Variants in TTC24 observed in about 807,000 individuals in gnomAD.
TTC24 encodes tetratricopeptide repeat domain 24.
TTC24 carries 54 observed loss-of-function variants against 63.3 expected under a neutral mutation model. That is an observed-to-expected ratio of 0.85 (90% CI 0.69 to 1.07). The LOEUF (loss-of-function observed/expected upper bound fraction) is 1.07. Ranked by LOEUF, TTC24 falls within the 50% of genes least tolerant of loss-of-function variation. TTC24 has a pLI of 0.00. For missense variants in TTC24, 680 were observed against 730.5 expected (o/e 0.93, Z 0.80); for synonymous variants, 276 against 304.3 (o/e 0.91, Z 0.97).
intron 8 of TTC24, 128 bp from the exon 9 acceptor site, chr1:156,585,583 AGC>A: frequency 1.4e-6 from 1 of 704,542 alleles, no homozygotes; most frequent in South Asian, 1.7e-5. Flanking sequence ...TGCCCAACAC[AGC>A]GCTGGGTGCT....
In TTC24 at chr1:156,586,463, T is replaced by C; in HGVS notation, c.1668-6T>C. On this transcript the variant is annotated splice_region_variant and splice_polypyrimidine_tract_variant and intron_variant, in intron 10 of 10. Transcript: ENST00000368236. Reference sequence around the variant, plus strand: ...CCACTGGCAAGCCCCTCCCTGCCTCTTTCAGGTCATCCAGGTGGCCCAGGG... The same window carrying C: ...CCACTGGCAAGCCCCTCCCTGCCTCCTTCAGGTCATCCAGGTGGCCCAGGG... The C allele has an allele frequency of 6.2e-7, 1 of 1,612,836 alleles. No individual in the cohort carries two copies.
chr1:156,585,846 A>T lies in TTC24; in HGVS notation c.1570+20A>T, dbSNP rs1013770967. On this transcript the variant is annotated intron_variant, in intron 9 of 10. Transcript: ENST00000368236. ...TCTATAGTGAGCAGTGCATCCCCTG[A>T]CACCGCCCCAACTCGTGGTTCTTCT... is the stretch of plus-strand genomic sequence containing the variant. The T allele has an allele frequency of 6.3e-7, 1 of 1,599,086 alleles. No individual in the cohort carries two copies. Among genetic ancestry groups the T allele is most frequent in the Non-Finnish European group, 8.6e-7 (1 of 1,166,546 alleles).
intron 10 of TTC24, 116 bp from the exon 11 acceptor site, chr1:156,586,353 G>A: frequency 1.2e-6 from 1 of 838,418 alleles, no homozygotes. Context: ...CTTCTCTGGA[G>A]CCCACCAGCA....
chr1:156,585,864 G>T lies in TTC24; in HGVS notation c.1570+38G>T, dbSNP rs749506651. 3.1e-6 allele frequency: 5 copies of T among 1,596,840 alleles called. No homozygotes were observed. The Admixed American group carries it at 5.0e-5, about 16-fold the overall frequency. On this transcript the variant is annotated intron_variant, in intron 9 of 10. Transcript: ENST00000368236. The stretch of plus-strand genomic sequence containing the variant: ...TCCCCTGACACCGCCCCAACTCGTG[G>T]TTCTTCTCTCAGAGCTTTTTTCCAC...
chr1:156,581,145 G>A (rs1282941581), intron 1 of TTC24, among the ~76,000 whole-genome samples: 1 of 152,204 alleles, frequency 6.6e-6, no homozygotes, highest in African/African-American at 2.4e-5. Context: ...CTTGACTTGA[G>A]TCTTGAAGGA....
chr1:156,582,482 AG>A (rs1375461780), intron 3 of TTC24, 48 bp downstream of exon 3: 3 of 1,573,710 alleles, frequency 1.9e-6, no homozygotes, highest in Admixed American at 3.4e-5. Flanking sequence ...GACACTAAGA[AG>A]GGGTTCCAAA....
rs762516928 is a variant in TTC24, at chr1:156,583,406, G to C, written c.1108G>C (p.Asp370His). 1 of 1,611,676 alleles carries C rather than the reference G, an allele frequency of 6.2e-7. No individual in the cohort carries two copies. The highest frequency in any genetic ancestry group is 1.1e-5 in the South Asian group (1 of 90,800). ...GAAAARLGQY[D>H]QALKYYKEAL... ...TGCTGCAGCCAGGCTGGGGCAGTAT[G>C]ACCAGGCCTTGAAGTACTATAAGGA... is the stretch of plus-strand genomic sequence containing the variant. The change falls in exon 5 of 11, where the codon GAC (aspartate) becomes CAC (histidine). Residue 370 changes from aspartate (D) to histidine (H), a missense_variant. Asp to His is a moderately conservative substitution (Grantham distance 81, BLOSUM62 -1). Transcript: ENST00000368236. This position sits in a 1 kb window ranked among gnomAD's most constrained non-coding sequence, Gnocchi z 4.0.
Position 156,580,376 on chromosome 1 carries a change from G to A in TTC24, c.-5+618G>A, listed in dbSNP as rs542054986. 2.6e-5 allele frequency among the ~76,000 whole-genome samples: 4 copies of A among 152,298 alleles called. No homozygotes were observed. The East Asian group carries it at 7.7e-4, about 29-fold the overall frequency. On this transcript the variant is annotated intron_variant, in intron 1 of 10. Transcript: ENST00000368236. ...TGACCTGAACTACGTCTTGAGATTA[G>A]ATAGCAGGAGTACCTAGATGATGAG...
Position 156,583,750 on chromosome 1 carries a change from T to C in TTC24, c.1153-47T>C. The C allele has an allele frequency of 1.3e-6, 1 of 797,764 alleles. No homozygotes were observed. The allele number at this position is 797,764 out of a possible 1,614,324, so 49.4% of individuals were successfully genotyped here. A position where few individuals can be genotyped will look rare whatever the true frequency, so the allele number is the denominator to read the frequency against. On this transcript the variant is annotated intron_variant, in intron 5 of 10. Coordinates refer to ENST00000368236, the MANE Select transcript of TTC24 (RefSeq NM_001105669.4). This position sits in a 1 kb window ranked among gnomAD's most constrained non-coding sequence, Gnocchi z 4.0. Reference sequence around the variant, plus strand: ...TTCTTCCCCAACCCCCAGAGGACCATAAGGTCCAGGCATTCCCCATTACCC... The same window carrying C: ...TTCTTCCCCAACCCCCAGAGGACCACAAGGTCCAGGCATTCCCCATTACCC...
chr1:156,585,530 C>T, intron 8 of TTC24, 183 bp from the exon 9 acceptor site: 1 of 619,850 alleles, frequency 1.6e-6, no homozygotes, highest in East Asian at 2.7e-5. Flanking sequence ...ACTTCTAGAA[C>T]TTTGCATCTT....
intron 8 of TTC24, 95 bp from the exon 9 acceptor site, chr1:156,585,618 C>A: frequency 1.1e-6 from 1 of 897,354 alleles, no homozygotes; most frequent in Non-Finnish European, 1.9e-6. Flanking sequence ...CAGCTCACTA[C>A]TCAATAGCAT....
chr1:156,580,602 C>G (rs377706863), intron 1 of TTC24, among the ~76,000 whole-genome samples: 1 of 150,414 alleles, frequency 6.6e-6, no homozygotes, highest in Non-Finnish European at 1.5e-5. Context: ...CTCAGCCTCC[C>G]GAGTAGCTGG....
Position 156,583,708 on chromosome 1 carries a change from C to CT in TTC24, c.1153-88dup. ...AGGGGAAACAAAGCCCCCCTCCCCC[C>CT]TCCCTTTCCTGTTTCCTTCTTCCCC... On this transcript the variant is annotated intron_variant, in intron 5 of 10. Transcript: ENST00000368236. This position sits in a 1 kb window ranked among gnomAD's most constrained non-coding sequence, Gnocchi z 4.0. 1 of 1,051,430 alleles carries CT rather than the reference C, an allele frequency of 9.5e-7. No individual in the cohort carries two copies. The highest frequency in any genetic ancestry group is 2.2e-5 in the Admixed American group (1 of 44,800). 65.1% of individuals were successfully genotyped at this position (1,051,430 alleles called of 1,614,324 possible). A position where few individuals can be genotyped will look rare whatever the true frequency, so the allele number is the denominator to read the frequency against.
rs754273926 is a variant in TTC24 at position 156,584,975 on chromosome 1, G to A, written c.1349+1G>A. 6.3e-7 allele frequency: 1 copy of A among 1,590,774 alleles called. No individual in the cohort carries two copies. The highest frequency in any genetic ancestry group is 1.8e-5 in the Admixed American group (1 of 56,552). On this transcript the variant is annotated splice_donor_variant, in intron 7 of 10. Transcript: ENST00000368236. LOFTEE classifies it high-confidence loss of function. The stretch of plus-strand genomic sequence containing the variant: ...GCAGCACAGCAGGTGTCCAGCACAG[G>A]TGAGGGTGGGAATGGTGCAGCAGAG...
In TTC24 at chr1:156,586,552, C is replaced by A; in HGVS notation, c.*2C>A. 6.2e-7 allele frequency: 1 copy of A among 1,612,550 alleles called. No homozygotes were observed. The highest frequency in any genetic ancestry group is 1.1e-5 in the South Asian group (1 of 90,702). ...TCGGGCATCTGCACTATTGTGTGAC[C>A]TCCCCCTGCCAGCCTCAGCCCTCAT... On this transcript the variant is annotated 3_prime_UTR_variant, in exon 11 of 11. Coordinates refer to ENST00000368236, the MANE Select transcript of TTC24 (RefSeq NM_001105669.4).
In TTC24 at chr1:156,586,469, G is replaced by T; in HGVS notation, c.1668G>T (p.Arg556Ser). 1.2e-6 allele frequency: 2 copies of T among 1,609,118 alleles called. No homozygotes were observed. Among genetic ancestry groups the T allele is most frequent in the Non-Finnish European group, 1.7e-6 (2 of 1,179,638 alleles). ...GCAAGCCCCTCCCTGCCTCTTTCAGGTCATCCAGGTGGCCCAGGGAAAGCC... is the reference window on the plus strand; with the variant it reads ...GCAAGCCCCTCCCTGCCTCTTTCAGTTCATCCAGGTGGCCCAGGGAAAGCC... ...ILVPNGPQANRSSRWPRESLS... is the reference protein window; with the variant it reads ...ILVPNGPQANSSSRWPRESLS... The change falls in exon 11 of 11, where the codon AGG becomes AGT. Residue 556 changes from arginine (R) to serine (S), a missense_variant and splice_region_variant. Arg to Ser is a moderately radical substitution (Grantham distance 110). Coordinates refer to ENST00000368236, the MANE Select transcript of TTC24 (RefSeq NM_001105669.4).
At position 156,583,061 on chromosome 1, in the gene TTC24, G is replaced by C. The variant is rs1193797512; in HGVS notation, c.930G>C (p.Trp310Cys). The change falls in exon 4 of 11, where the codon TGG becomes TGC. Residue 310 changes from tryptophan (W) to cysteine (C), a missense_variant. Transcript: ENST00000368236. This position sits in a 1 kb window ranked among gnomAD's most constrained non-coding sequence, Gnocchi z 4.0. ...CCTCAGGCTCTGTGGGGCAGCGGTG[G>C]GAGCAGGGCCGGAGCTTTGGCAGCC... ...ADLHGSVGQR[W>C]EQGRSFGSLA... is the part of the protein sequence containing the mutation. 6.2e-7 allele frequency: 1 copy of C among 1,613,224 alleles called. No individual in the cohort carries two copies. The highest frequency in any genetic ancestry group is 1.7e-5 in the Admixed American group (1 of 59,908).
Position 156,583,522 on chromosome 1 carries a change from C to A in TTC24, c.1152+72C>A. 1 of 1,261,864 alleles carries A rather than the reference C, an allele frequency of 7.9e-7. No individual in the cohort carries two copies. The highest frequency in any genetic ancestry group is 1.1e-6 in the Non-Finnish European group (1 of 908,308). The allele number at this position is 1,261,864 out of a possible 1,614,324, so 78.2% of individuals were successfully genotyped here. A position where few individuals can be genotyped will look rare whatever the true frequency, so the allele number is the denominator to read the frequency against. ...TCTGGCTGACATTCCTGCCTTCACT[C>A]CTTGTCTTCTCCCCATCACTCACTC... On this transcript the variant is annotated intron_variant, in intron 5 of 10. Coordinates refer to ENST00000368236, the MANE Select transcript of TTC24 (RefSeq NM_001105669.4). This position sits in a 1 kb window ranked among gnomAD's most constrained non-coding sequence, Gnocchi z 4.0.
intron 6 of TTC24, 33 bp from the exon 7 acceptor site, chr1:156,584,844 A>G (rs1370270247): frequency 6.9e-6 from 10 of 1,457,266 alleles, no homozygotes; most frequent in African/African-American, 2.8e-5. Flanking sequence ...CGTTTTTCTC[A>G]GACCTATTCC....
Sources: gnomAD v4.1 joint callset for allele counts (sites outside exome capture counted in the v4.1 genomes callset) on GRCh38, gnomAD v4.1.1 for gene constraint, Gnocchi (gnomAD v3.1) non-coding constraint, MANE v1.5 for transcripts, NCBI Gene and HGNC (gene_info 2026-07-23, HGNC 2026-07-21) for gene names.